Variants in AFG2A observed in about 807,000 individuals in gnomAD.
AFG2A encodes the protein AAA ATPase AFG2A.
At chr4:123,108,970 T>C in the AFG2A span, among the ~76,000 whole-genome samples, 1 of 152,178 alleles carries the variant, frequency 6.6e-6, no homozygotes. Context: ...TCAGACTTAA[T>C]GTCTTTGAAT....
chr4:123,059,542 CCTGT>C, the AFG2A span, among the ~76,000 whole-genome samples: 647 of 151,978 alleles, frequency 4.3e-3, 4 homozygotes, highest in Non-Finnish European at 5.9e-3. Context: ...TTTTCTTAAT[CCTGT>C]CTATCATTGT....
At chr4:122,927,577 G>A in the AFG2A span, 1 of 1,534,054 alleles carries the variant, frequency 6.5e-7, no homozygotes, top group Non-Finnish European at 8.9e-7. Flanking sequence ...GCAAAAGAAA[G>A]CATGCCTTAA....
chr4:123,003,391 G>C, the AFG2A span, among the ~76,000 whole-genome samples: 1 of 152,198 alleles, frequency 6.6e-6, no homozygotes, highest in Non-Finnish European at 1.5e-5. Context: ...CTGCTTTTTA[G>C]AGTTTCCAGT....
At chr4:123,255,173 C>G in the AFG2A span, among the ~76,000 whole-genome samples, 1 of 152,138 alleles carries the variant, frequency 6.6e-6, no homozygotes, top group Non-Finnish European at 1.5e-5. Flanking sequence ...TCATGTTGCC[C>G]AGGCTGGTCT....
the AFG2A span, among the ~76,000 whole-genome samples, chr4:123,042,591 A>G: frequency 6.6e-6 from 1 of 152,174 alleles, no homozygotes; most frequent in Admixed American, 6.5e-5. Context: ...GTTAATGTCC[A>G]TAATTTTTGT....
At chr4:123,033,236 C>T in the AFG2A span, among the ~76,000 whole-genome samples, 2 of 152,110 alleles carry the variant, frequency 1.3e-5, no homozygotes, top group African/African-American at 2.4e-5. Flanking sequence ...AGTGACTTTT[C>T]GAAGGTCTAA....
At chr4:123,227,426 G>T in the AFG2A span, among the ~76,000 whole-genome samples, 280 of 152,174 alleles carry the variant, frequency 1.8e-3, no homozygotes, top group Admixed American at 4.3e-3. Flanking sequence ...GTTCTCGTTG[G>T]TTTCAAAGAA....
the AFG2A span, among the ~76,000 whole-genome samples, chr4:123,276,015 C>G: frequency 6.6e-6 from 1 of 152,168 alleles, no homozygotes; most frequent in Non-Finnish European, 1.5e-5. Flanking sequence ...AATGGGACTG[C>G]TGGCTTAAAT....
chr4:123,245,549 A>G, the AFG2A span, among the ~76,000 whole-genome samples: 7 of 152,202 alleles, frequency 4.6e-5, no homozygotes, highest in Non-Finnish European at 8.8e-5. Flanking sequence ...GACAAAGAAA[A>G]TATGCTAATA....
At chr4:123,314,502 T>A in the AFG2A span, 1 of 152,434 alleles carries the variant, frequency 6.6e-6, no homozygotes, top group Non-Finnish European at 1.5e-5. Flanking sequence ...TTTTTTGTAA[T>A]CTTTATTTTT....
the AFG2A span, among the ~76,000 whole-genome samples, chr4:123,300,092 T>C: frequency 6.6e-6 from 1 of 152,204 alleles, no homozygotes; most frequent in Non-Finnish European, 1.5e-5. Flanking sequence ...GCTTTTCTCA[T>C]TGCTGAATTC....
the AFG2A span, among the ~76,000 whole-genome samples, chr4:123,048,948 G>A: frequency 1.3e-5 from 2 of 151,970 alleles, no homozygotes; most frequent in Non-Finnish European, 2.9e-5. Flanking sequence ...TTCAGATCTT[G>A]GTGTAAAGGC....
At chr4:123,022,783 C>G in the AFG2A span, among the ~76,000 whole-genome samples, 2 of 151,974 alleles carry the variant, frequency 1.3e-5, no homozygotes, top group Non-Finnish European at 2.9e-5. Context: ...TTGGAACCAA[C>G]CCAAATGTCC....
chr4:122,930,158 G>C, the AFG2A span, among the ~76,000 whole-genome samples: 1 of 152,104 alleles, frequency 6.6e-6, no homozygotes, highest in Non-Finnish European at 1.5e-5. Context: ...AAAACAAACC[G>C]TCATTACTAT....
the AFG2A span, among the ~76,000 whole-genome samples, chr4:123,146,537 A>T: frequency 6.6e-6 from 1 of 152,182 alleles, no homozygotes; most frequent in Non-Finnish European, 1.5e-5. Context: ...TTAGACACTA[A>T]CAGTGAAAAA....
chr4:123,185,634 C>T, the AFG2A span, among the ~76,000 whole-genome samples: 2 of 152,118 alleles, frequency 1.3e-5, no homozygotes, highest in African/African-American at 2.4e-5. Flanking sequence ...CAAAATAAGA[C>T]TAGTGTTACC....
chr4:123,058,694 GA>G, the AFG2A span, among the ~76,000 whole-genome samples: 1 of 152,176 alleles, frequency 6.6e-6, no homozygotes, highest in Non-Finnish European at 1.5e-5. Context: ...CAGTATGGGG[GA>G]AACCACCCCC....
chr4:123,197,309 A>C, the AFG2A span, among the ~76,000 whole-genome samples: 1 of 152,348 alleles, frequency 6.6e-6, no homozygotes, highest in African/African-American at 2.4e-5. Context: ...CTCTAATAAC[A>C]ATTTCCGTTA....
chr4:123,046,329 G>A, the AFG2A span, among the ~76,000 whole-genome samples: 3 of 152,094 alleles, frequency 2.0e-5, no homozygotes, highest in Admixed American at 1.3e-4. Flanking sequence ...AAAGTCAGTT[G>A]TAACTCTGTG....
Sources: allele counts gnomAD v4.1 joint callset (sites outside exome capture counted in the v4.1 genomes callset), GRCh38; gene constraint gnomAD v4.1.1; transcripts MANE v1.5; gene names NCBI Gene and HGNC (gene_info 2026-07-23, HGNC 2026-07-21).